Variants in DMTF1 observed in about 807,000 individuals in gnomAD.
The protein encoded by DMTF1 is cyclin D binding myb like transcription factor 1, also known as cyclin-D-binding Myb-like transcription factor 1.
A neutral mutation model predicts 91.1 loss-of-function variants in DMTF1; 39 were observed. The observed-to-expected ratio is 0.43, with a 90% CI of 0.33 to 0.56. The LOEUF is 0.56. Among genes scored for constraint, DMTF1 ranks in the 20% least tolerant of loss-of-function variants. The pLI is 0.05. For missense variants in DMTF1, 750 were observed against 914.5 expected (o/e 0.82, Z 2.32); for synonymous variants, 338 against 309.5 (o/e 1.09, Z -0.97).
At chr7:87,188,332 G>A in intron 13 of DMTF1, 31 bp downstream of exon 13, 6 of 1,609,940 alleles carry the variant, frequency 3.7e-6, no homozygotes, top group Non-Finnish European at 5.1e-6. Context: ...ATTCCTTGCT[G>A]TTTGATCTAT....
chr7:87,192,847 CTTTTT>C (rs796549774), intron 14 of DMTF1: 1 of 182,798 alleles, frequency 5.5e-6, no homozygotes, highest in African/African-American at 2.4e-5. Flanking sequence ...GCTGTTGTGC[CTTTTT>C]TTTTTAAACT....
Position 87,173,711 on chromosome 7 carries a change from AG to A in DMTF1, c.442+63del. The stretch of plus-strand genomic sequence containing the variant: ...AAAAATGGAGATAGAAAGGGCTTAT[AG>A]TCATCAGGATTCTGAGTTGGACCTT... On this transcript the variant is annotated intron_variant, in intron 6 of 17. Coordinates refer to ENST00000331242, the MANE Select transcript of DMTF1 (RefSeq NM_001142327.2). 3 of 1,013,416 alleles carry A rather than the reference AG, an allele frequency of 3.0e-6. No homozygotes were observed. The South Asian group carries it at 4.9e-5, about 16-fold the overall frequency. 62.8% of individuals were successfully genotyped at this position (1,013,416 alleles called of 1,614,324 possible).
chr7:87,171,201 C>A (rs1456725511), intron 5 of DMTF1, 112 bp downstream of exon 5: 9 of 668,370 alleles, frequency 1.3e-5, no homozygotes, highest in Non-Finnish European at 2.2e-5. Flanking sequence ...CTGGCACATG[C>A]CACTGTGCCC....
In DMTF1 at chr7:87,166,557, C is replaced by A; in HGVS notation, c.184C>A (p.Gln62Lys). Reference sequence around the variant, plus strand: ...GCTTTGTTTGTCCTCTGAGGATGATCAGAGTATTGATGATTCTACTCCTTG... The same window carrying A: ...GCTTTGTTTGTCCTCTGAGGATGATAAGAGTATTGATGATTCTACTCCTTG... The part of the protein sequence containing the change: ...KRLCLSSEDD[Q>K]SIDDSTPCIS... Residue 62 changes from glutamine (Q) to lysine (K), a missense_variant, in exon 4 of 18, where the codon CAG (glutamine) becomes AAG (lysine). Gln to Lys is a moderately conservative substitution (Grantham distance 53). Around this residue, in one of 3 missense-constraint regions of DMTF1, gnomAD observed 150 missense variants for 150.4 expected, o/e 1.00. Coordinates refer to ENST00000331242, the MANE Select transcript of DMTF1 (RefSeq NM_001142327.2). The A allele has an allele frequency of 6.2e-7, 1 of 1,612,984 alleles. No individual in the cohort carries two copies. The highest frequency in any genetic ancestry group is 1.3e-5 in the African/African-American group (1 of 75,000).
rs1032131400 is a variant in DMTF1, at chr7:87,195,344, T to A, written c.*204T>A. ...GGTTGAGTTTTATGACAGTATGTAG[T>A]TGAGTGGAGGCTGGGAGTTTTAAGC... is the stretch of plus-strand genomic sequence containing the variant. On this transcript the variant is annotated 3_prime_UTR_variant, in exon 18 of 18. Transcript: ENST00000331242. 5 of 438,892 alleles carry A rather than the reference T, an allele frequency of 1.1e-5. No homozygotes were observed. The South Asian group carries it at 2.2e-4, about 19-fold the overall frequency. 27.2% of individuals were successfully genotyped at this position (438,892 alleles called of 1,614,324 possible).
chr7:87,193,639 G>A (rs965169247), intron 15 of DMTF1, 86 bp from the exon 16 acceptor site: 2 of 1,245,102 alleles, frequency 1.6e-6, no homozygotes, highest in African/African-American at 3.0e-5. Context: ...CAGTTTGAGA[G>A]GTAAGAGATG....
chr7:87,185,701 A>T, intron 11 of DMTF1, 128 bp from the exon 12 acceptor site: 1 of 1,056,720 alleles, frequency 9.5e-7, no homozygotes, highest in Non-Finnish European at 1.4e-6. Flanking sequence ...CGTGTAACTT[A>T]ACAATAGCAT....
chr7:87,154,021 A>G (rs1416097332), intron 1 of DMTF1, among the ~76,000 whole-genome samples: 1 of 152,240 alleles, frequency 6.6e-6, no homozygotes, highest in Non-Finnish European at 1.5e-5. Context: ...TTTAACATTT[A>G]AAGAATGACT....
At chr7:87,175,194 T>C (rs1383988110) in intron 7 of DMTF1, among the ~76,000 whole-genome samples, 4 of 151,998 alleles carry the variant, frequency 2.6e-5, no homozygotes, top group African/African-American at 9.7e-5. Context: ...CTAATTTTTA[T>C]ATTTTTAGTA....
chr7:87,190,077 G>A (rs1436065819), intron 13 of DMTF1, among the ~76,000 whole-genome samples: 1 of 151,926 alleles, frequency 6.6e-6, no homozygotes, highest in African/African-American at 2.4e-5. Flanking sequence ...TTACCTATAG[G>A]TATGACTGCA....
intron 1 of DMTF1, among the ~76,000 whole-genome samples, chr7:87,158,695 C>G (rs1337503205): frequency 6.6e-6 from 1 of 152,010 alleles, no homozygotes; most frequent in Non-Finnish European, 1.5e-5. Context: ...TTATTAAGTA[C>G]ACATTTAAAT....
chr7:87,165,346 C>T (rs1348243857), intron 3 of DMTF1, among the ~76,000 whole-genome samples: 2 of 152,066 alleles, frequency 1.3e-5, no homozygotes, highest in African/African-American at 2.4e-5. Context: ...TAGAATTATT[C>T]CTCAATGCAA....
In DMTF1 at chr7:87,185,193, G is replaced by T. The variant is rs139518650; in HGVS notation, c.1049+568G>T. Among the ~76,000 whole-genome samples the T allele has an allele frequency of 1.4e-3, 219 of 151,958 alleles. 1 individual carries two copies. The highest frequency in any genetic ancestry group is 5.1e-3 in the African/African-American group (210 of 41,418). On this transcript the variant is annotated intron_variant, in intron 11 of 17. Transcript: ENST00000331242. ...CCATTAAGATTTATTAACTAAAATG[G>T]GCAAAAATACTAGCAAGAAATTATT...
chr7:87,173,566 C>A lies in DMTF1; in HGVS notation c.359C>A (p.Ser120Tyr), dbSNP rs1331631271. Residue 120 changes from serine (S) to tyrosine (Y), a missense_variant, in exon 6 of 18, where the codon TCT becomes TAT. Ser to Tyr is a moderately radical substitution (Grantham distance 144). Coordinates refer to ENST00000331242, the MANE Select transcript of DMTF1 (RefSeq NM_001142327.2). ...CAGAATGAGCAACTAGATGAAATAT[C>A]TCCCTTGGGTAACGAGGAAGTTTCA... ...ILQNEQLDEI[S>Y]PLGNEEVSAV... 6.2e-7 allele frequency: 1 copy of A among 1,609,330 alleles called. No individual in the cohort carries two copies. The highest frequency in any genetic ancestry group is 2.2e-5 in the East Asian group (1 of 44,612).
In DMTF1 at chr7:87,175,829, G is replaced by A. The variant is rs150024182; in HGVS notation, c.519+1160G>A. Among the ~76,000 whole-genome samples the A allele has an allele frequency of 3.2e-3, 488 of 152,232 alleles. 2 individuals carry two copies. Among genetic ancestry groups the A allele is most frequent in the African/African-American group, 0.011 (465 of 41,558 alleles). Reference sequence around the variant, plus strand: ...AATAGCCTCTGGAAAACTGGGCTCCGAAGTCCATGCCAAAGAATTTGAACT... The same window carrying A: ...AATAGCCTCTGGAAAACTGGGCTCCAAAGTCCATGCCAAAGAATTTGAACT... On this transcript the variant is annotated intron_variant, in intron 7 of 17. Transcript: ENST00000331242.
chr7:87,187,823 A>G (rs910537172), intron 12 of DMTF1: 3 of 445,024 alleles, frequency 6.7e-6, no homozygotes, highest in African/African-American at 4.0e-5. Context: ...TCCTGTTTCC[A>G]TGTTCTTTGT....
At chr7:87,186,662 T>C (rs1335992504) in intron 12 of DMTF1, 1 of 152,338 alleles carries the variant, frequency 6.6e-6, no homozygotes, top group East Asian at 1.9e-4. Flanking sequence ...TTTACCATTG[T>C]GTTACAGTTG....
intron 7 of DMTF1, among the ~76,000 whole-genome samples, chr7:87,175,705 G>A (rs1796127642): frequency 6.6e-6 from 1 of 152,190 alleles, no homozygotes; most frequent in Non-Finnish European, 1.5e-5. Flanking sequence ...GGCTAGAGTA[G>A]AACTTGAGGG....
chr7:87,169,955 G>A (rs1404272211), intron 4 of DMTF1, among the ~76,000 whole-genome samples: 1 of 152,168 alleles, frequency 6.6e-6, no homozygotes, highest in Non-Finnish European at 1.5e-5. Flanking sequence ...TTAACTACCA[G>A]ATTTATTCCA....
Sources: gnomAD v4.1 joint callset for allele counts (sites outside exome capture counted in the v4.1 genomes callset) on GRCh38, gnomAD v4.1.1 for gene constraint, gnomAD v4.1.1 regional missense constraint, MANE v1.5 for transcripts, NCBI Gene and HGNC (gene_info 2026-07-23, HGNC 2026-07-21) for gene names.